ESRRG: variants seen among roughly 807,000 people sequenced by gnomAD.
ESRRG encodes the protein estrogen-related receptor gamma.
A neutral mutation model predicts 44.0 loss-of-function variants in ESRRG; 13 were observed. The ratio of observed to expected loss-of-function variants is 0.30; its 90% CI spans 0.19 to 0.47. ESRRG has a LOEUF of 0.47. Ranked by LOEUF, ESRRG falls within the 20% of genes least tolerant of loss-of-function variation. The pLI, the probability that ESRRG is intolerant of heterozygous loss-of-function variation, is 1.00. For missense variants in ESRRG, 395 were observed against 580.6 expected (o/e 0.68, Z 3.29); for synonymous variants, 215 against 214.6 (o/e 1.00, Z -0.02).
intron 2 of ESRRG, among the ~76,000 whole-genome samples, chr1:216,772,810 G>A (rs1196364306): frequency 2.0e-5 from 3 of 151,338 alleles, no homozygotes; most frequent in Non-Finnish European, 2.9e-5. Flanking sequence ...GAGAGGCTAA[G>A]AAATGTACTT....
chr1:217,037,878 A>T (rs2083182811), intron 1 of ESRRG, among the ~76,000 whole-genome samples: 1 of 152,196 alleles, frequency 6.6e-6, no homozygotes, highest in South Asian at 2.1e-4. Context: ...AACAGGCCCC[A>T]TGCAAGTCCG....
intron 1 of ESRRG, among the ~76,000 whole-genome samples, chr1:216,999,170 T>C (rs1325310572): frequency 2.6e-5 from 4 of 152,288 alleles, no homozygotes; most frequent in South Asian, 4.2e-4. Flanking sequence ...TGAATCTGTA[T>C]GCCCAGTTCT....
chr1:216,771,005 A>G (rs1219209503), intron 2 of ESRRG, among the ~76,000 whole-genome samples: 1 of 151,940 alleles, frequency 6.6e-6, no homozygotes, highest in East Asian at 1.9e-4. Flanking sequence ...CACCAATTCC[A>G]CTTTTTGTCT....
rs1050419463 is a variant in ESRRG, at chr1:216,564,147, C to T, written c.862+72G>A. 14 of 936,896 alleles carry T rather than the reference C, an allele frequency of 1.5e-5. No homozygotes were observed. In the Admixed American group the frequency reaches 3.8e-4, roughly 25 times the overall value. The allele number at this position is 936,896 out of a possible 1,614,324, so 58.0% of individuals were successfully genotyped here. Reference sequence around the variant, plus strand: ...TCTAAATGAGAAAAATTTGAATTCACCCAAATCTATATACATAACCTAGGG... The same window carrying T: ...TCTAAATGAGAAAAATTTGAATTCATCCAAATCTATATACATAACCTAGGG... On this transcript the variant is annotated intron_variant, in intron 5 of 6. Coordinates refer to ENST00000408911, the MANE Select transcript of ESRRG (RefSeq NM_001438.4).
chr1:216,828,179 T>C (rs1434516046), intron 2 of ESRRG, among the ~76,000 whole-genome samples: 2 of 152,220 alleles, frequency 1.3e-5, no homozygotes, highest in East Asian at 3.8e-4. Flanking sequence ...CCTGGGATCT[T>C]CGTAGTCCTC....
chr1:216,749,690 A>T (rs950433497), intron 2 of ESRRG, among the ~76,000 whole-genome samples: 7 of 152,208 alleles, frequency 4.6e-5, no homozygotes, highest in African/African-American at 1.4e-4. Flanking sequence ...GCTTTAAAAA[A>T]GTTTCCAGTC....
chr1:216,788,455 A>T (rs2094204241), intron 2 of ESRRG, among the ~76,000 whole-genome samples: 1 of 152,154 alleles, frequency 6.6e-6, no homozygotes, highest in Admixed American at 6.6e-5. Context: ...AGCATGATTT[A>T]CTGAGTACTT....
chr1:216,804,944 A>G (rs139451686), intron 2 of ESRRG: 2 of 152,296 alleles, frequency 1.3e-5, no homozygotes, highest in African/African-American at 2.4e-5. Context: ...TGTACTTACA[A>G]TTTTGGGATG....
intron 3 of ESRRG, among the ~76,000 whole-genome samples, chr1:216,589,903 CAA>C (rs58458686): frequency 1.2e-4 from 4 of 32,240 alleles, no homozygotes; most frequent in African/African-American, 5.6e-4. Context: ...AACTCTGTCT[CAA>C]AAAAAAAAAA....
intron 1 of ESRRG, among the ~76,000 whole-genome samples, chr1:216,703,557 C>T (rs1188605942): frequency 6.6e-6 from 1 of 150,846 alleles, no homozygotes; most frequent in Non-Finnish European, 1.5e-5. Flanking sequence ...GTCTTTGTTA[C>T]TAATTCTGTA....
At chr1:217,041,462 T>C (rs1457394407) in intron 1 of ESRRG, among the ~76,000 whole-genome samples, 3 of 152,184 alleles carry the variant, frequency 2.0e-5, no homozygotes, top group Admixed American at 1.3e-4. Context: ...TAATACTACA[T>C]AGTTTTTTAA....
intron 2 of ESRRG, among the ~76,000 whole-genome samples, chr1:216,737,587 C>T (rs997178015): frequency 4.6e-5 from 7 of 152,076 alleles, no homozygotes; most frequent in Middle Eastern, 3.4e-3. Context: ...ATTACTTAGC[C>T]CAGGTCCTGG....
chr1:217,130,320 A>G (rs1005045225), intron 1 of ESRRG, among the ~76,000 whole-genome samples: 3 of 151,926 alleles, frequency 2.0e-5, no homozygotes, highest in Non-Finnish European at 4.4e-5. Context: ...GCAGCCTTGA[A>G]CTCTGGAGCT....
intron 2 of ESRRG, among the ~76,000 whole-genome samples, chr1:216,903,686 A>C (rs180675549): frequency 3.3e-5 from 5 of 151,936 alleles, no homozygotes; most frequent in African/African-American, 1.2e-4. Context: ...GAAAAAAAAA[A>C]CACTCTGAAG....
intron 2 of ESRRG, among the ~76,000 whole-genome samples, chr1:216,830,555 A>T (rs922642411): frequency 4.6e-5 from 7 of 152,118 alleles, no homozygotes; most frequent in African/African-American, 1.7e-4. Flanking sequence ...TCTTGTTTAT[A>T]CAAGCATCTG....
intron 1 of ESRRG, among the ~76,000 whole-genome samples, chr1:217,012,653 G>A (rs1397021569): frequency 6.6e-6 from 1 of 152,144 alleles, no homozygotes; most frequent in Non-Finnish European, 1.5e-5. Context: ...TCCTCAAGCT[G>A]CCTCTCCCCA....
At chr1:216,539,710 T>C (rs78111901) in intron 5 of ESRRG, among the ~76,000 whole-genome samples, 2,834 of 152,112 alleles carry the variant, frequency 0.019, 100 homozygotes, top group African/African-American at 0.064. Flanking sequence ...CTCTATAAAA[T>C]ATTTGAAAAA....
chr1:216,609,594 A>G (rs2060356908), intron 3 of ESRRG, among the ~76,000 whole-genome samples: 1 of 152,234 alleles, frequency 6.6e-6, no homozygotes, highest in African/African-American at 2.4e-5. Flanking sequence ...GAAAAAATGA[A>G]AAGTAGGATC....
intron 2 of ESRRG, among the ~76,000 whole-genome samples, chr1:216,742,622 T>C (rs1177080815): frequency 6.6e-6 from 1 of 151,806 alleles, no homozygotes; most frequent in Non-Finnish European, 1.5e-5. Flanking sequence ...ACTCAATAAA[T>C]GACAGCTAAA....
Sources: gnomAD v4.1 joint callset for allele counts (sites outside exome capture counted in the v4.1 genomes callset) on GRCh38, gnomAD v4.1.1 for gene constraint, MANE v1.5 for transcripts, NCBI Gene and HGNC (gene_info 2026-07-23, HGNC 2026-07-21) for gene names.